QTMAN: variants seen among roughly 807,000 people sequenced by gnomAD.
QTMAN encodes the protein queuosine-tRNA mannosyltransferase.
At chr2:144,119,743 T>C in the QTMAN span, among the ~76,000 whole-genome samples, 3 of 152,188 alleles carry the variant, frequency 2.0e-5, no homozygotes, top group Non-Finnish European at 4.4e-5. Context: ...ATCACAAATA[T>C]AAGGAGTCTA....
chr2:144,141,796 T>G, the QTMAN span: 1 of 1,007,014 alleles, frequency 9.9e-7, no homozygotes, highest in South Asian at 1.7e-5. Context: ...GCTAAAAAGT[T>G]AAAACTGGCA....
At chr2:144,259,183 G>C in the QTMAN span, among the ~76,000 whole-genome samples, 1 of 152,178 alleles carries the variant, frequency 6.6e-6, no homozygotes, top group Non-Finnish European at 1.5e-5. Flanking sequence ...TTTTGAGACA[G>C]AGTCTCACTG....
At chr2:144,203,479 G>C in the QTMAN span, among the ~76,000 whole-genome samples, 1 of 152,148 alleles carries the variant, frequency 6.6e-6, no homozygotes, top group Non-Finnish European at 1.5e-5. Flanking sequence ...GGCTAGACAG[G>C]ACAGCAAGAC....
At chr2:144,311,557 AT>A in the QTMAN span, among the ~76,000 whole-genome samples, 1 of 152,240 alleles carries the variant, frequency 6.6e-6, no homozygotes. Flanking sequence ...TGAAAGCATT[AT>A]TTAAAAAGTA....
chr2:144,307,160 A>G, the QTMAN span, among the ~76,000 whole-genome samples: 1 of 35,982 alleles, frequency 2.8e-5, no homozygotes, highest in African/African-American at 5.9e-5. Context: ...ACTCCGTCTT[A>G]AAAAAAAAAA....
chr2:144,143,787 G>A, the QTMAN span, among the ~76,000 whole-genome samples: 5 of 151,952 alleles, frequency 3.3e-5, no homozygotes, highest in African/African-American at 9.7e-5. Flanking sequence ...GTGTTCATAA[G>A]TCAGAGGGTT....
At chr2:144,237,489 T>C in the QTMAN span, 2 of 152,198 alleles carry the variant, frequency 1.3e-5, no homozygotes, top group Admixed American at 1.3e-4. Flanking sequence ...TGACAACAAG[T>C]AAATGAACAG....
At chr2:144,077,146 A>G in the QTMAN span, among the ~76,000 whole-genome samples, 2 of 152,118 alleles carry the variant, frequency 1.3e-5, no homozygotes, top group East Asian at 1.9e-4. Context: ...AATGTATTTC[A>G]CTACTTCAAA....
chr2:144,179,385 T>C, the QTMAN span, among the ~76,000 whole-genome samples: 1 of 152,170 alleles, frequency 6.6e-6, no homozygotes, highest in Admixed American at 6.6e-5. Context: ...GTTTTGAAAA[T>C]ATTCACTGCC....
At chr2:144,008,109 G>C in the QTMAN span, among the ~76,000 whole-genome samples, 1 of 151,954 alleles carries the variant, frequency 6.6e-6, no homozygotes, top group Non-Finnish European at 1.5e-5. Context: ...TTCAATGTCT[G>C]TTACTTATCG....
At chr2:144,314,973 C>T in the QTMAN span, among the ~76,000 whole-genome samples, 1 of 152,072 alleles carries the variant, frequency 6.6e-6, no homozygotes, top group South Asian at 2.1e-4. Context: ...GCAACCTCCA[C>T]CTCCAGGGTT....
the QTMAN span, among the ~76,000 whole-genome samples, chr2:144,321,636 C>T: frequency 3.3e-5 from 5 of 152,156 alleles, no homozygotes; most frequent in African/African-American, 1.2e-4. Context: ...CAGAGTCTCA[C>T]TCTGTCACCC....
the QTMAN span, among the ~76,000 whole-genome samples, chr2:144,203,184 T>C: frequency 6.8e-6 from 1 of 147,792 alleles, no homozygotes; most frequent in African/African-American, 2.6e-5. Context: ...TGTGTGTGTG[T>C]GTGTGTGCAC....
At chr2:144,141,395 TA>T in the QTMAN span, among the ~76,000 whole-genome samples, 1 of 151,484 alleles carries the variant, frequency 6.6e-6, no homozygotes, top group East Asian at 1.9e-4. Flanking sequence ...ATAGAAGACT[TA>T]ACTCTTTATT....
chr2:144,300,987 A>G, the QTMAN span, among the ~76,000 whole-genome samples: 1 of 152,166 alleles, frequency 6.6e-6, no homozygotes, highest in Non-Finnish European at 1.5e-5. Flanking sequence ...ATTATATAGC[A>G]TTTAATCTGA....
At chr2:144,181,321 C>A in the QTMAN span, among the ~76,000 whole-genome samples, 6 of 152,222 alleles carry the variant, frequency 3.9e-5, no homozygotes, top group South Asian at 1.2e-3. Flanking sequence ...TGTTCCTTTC[C>A]CCCACGGGAT....
chr2:144,196,790 C>T, the QTMAN span, among the ~76,000 whole-genome samples: 10 of 152,122 alleles, frequency 6.6e-5, no homozygotes, highest in Non-Finnish European at 2.9e-5. Flanking sequence ...AGTATAGTGA[C>T]GAGCAGAAAC....
chr2:144,175,160 GA>G, the QTMAN span, among the ~76,000 whole-genome samples: 2 of 151,852 alleles, frequency 1.3e-5, no homozygotes, highest in Non-Finnish European at 2.9e-5. Context: ...ATACAGGTAA[GA>G]AAAAAATATA....
the QTMAN span, among the ~76,000 whole-genome samples, chr2:143,975,779 G>A: frequency 3.3e-5 from 5 of 152,176 alleles, no homozygotes; most frequent in Non-Finnish European, 1.5e-5. Context: ...GCCACATGGA[G>A]GAGAGTTGCC....
Sources: allele counts gnomAD v4.1 joint callset (sites outside exome capture counted in the v4.1 genomes callset), GRCh38; gene constraint gnomAD v4.1.1; transcripts MANE v1.5; gene names NCBI Gene and HGNC (gene_info 2026-07-23, HGNC 2026-07-21).